The following ANKRD44 variants were observed in gnomAD, a reference collection of about 807,000 sequenced individuals.
ANKRD44 encodes the protein ankyrin repeat domain 44, also known as serine/threonine-protein phosphatase 6 regulatory ankyrin repeat subunit B.
Under a neutral mutation model 116.0 loss-of-function variants are expected in ANKRD44, and 35 were observed. That is an observed-to-expected ratio of 0.30 (90% confidence interval 0.23 to 0.40). The LOEUF (loss-of-function observed/expected upper bound fraction) is 0.40, where lower values mean the gene tolerates loss of function less well. Among genes scored for constraint, ANKRD44 ranks in the 10% least tolerant of loss-of-function variants. The pLI is 1.00. For synonymous variants in ANKRD44, 435 were observed against 461.8 expected, an observed-to-expected ratio of 0.94 and a Z score of 0.74; for missense variants, 1,014 against 1,242.6, an observed-to-expected ratio of 0.82 and a Z score of 2.77.
At position 196,999,046 on chromosome 2, in the gene ANKRD44, G is replaced by T. The variant is rs762527954; in HGVS notation, c.2526C>A (p.Pro842=). ...VSCRDDKGRT[P]LHAAAFADHV... ...GATCAGCAAATGCTGCCGCATGAAGGGGTGTCCTAAAGATTTAAAACAAGT... is the reference window on the plus strand; with the variant it reads ...GATCAGCAAATGCTGCCGCATGAAGTGGTGTCCTAAAGATTTAAAACAAGT... The change falls in exon 24 of 28, where the codon CCC becomes CCA. Residue 842 remains proline, a synonymous_variant. Transcript: ENST00000282272. 1.2e-6 allele frequency: 2 copies of T among 1,613,632 alleles called. No homozygotes were observed. Among genetic ancestry groups the T allele is most frequent in the Admixed American group, 3.3e-5 (2 of 59,940 alleles).
At chr2:197,216,248 T>C (rs1428582152) in intron 1 of ANKRD44, among the ~76,000 whole-genome samples, 3 of 152,238 alleles carry the variant, frequency 2.0e-5, no homozygotes, top group East Asian at 1.9e-4. Context: ...TATGTAAGAA[T>C]GGTGCTTCCA....
chr2:197,261,538 AAGAT>A (rs1416073735), intron 1 of ANKRD44, among the ~76,000 whole-genome samples: 1 of 137,062 alleles, frequency 7.3e-6, no homozygotes, highest in Non-Finnish European at 1.6e-5. Context: ...AGAAGTAAAA[AAGAT>A]AGACAATCTT....
chr2:197,270,602 T>G (rs1021876549), intron 1 of ANKRD44, among the ~76,000 whole-genome samples: 3 of 152,192 alleles, frequency 2.0e-5, no homozygotes, highest in African/African-American at 7.2e-5. Context: ...GAGAGACATC[T>G]GGGTCAAAGG....
In ANKRD44 at chr2:196,989,110, G is replaced by A. The variant is rs1303238323; in HGVS notation, c.*481C>T. The A allele has an allele frequency of 1.0e-6, 1 of 985,160 alleles. No individual in the cohort carries two copies. Among genetic ancestry groups the A allele is most frequent in the African/African-American group, 1.8e-5 (1 of 57,116 alleles). 61.0% of individuals were successfully genotyped at this position (985,160 alleles called of 1,614,324 possible). A position where few individuals can be genotyped will look rare whatever the true frequency, so the allele number is the denominator to read the frequency against. Reference sequence around the variant, plus strand: ...GGTTTGGCCCTTGGGCTTTTGGCTAGCCCAGGGTCAAGTGTTTTTTTTTTC... The same window carrying A: ...GGTTTGGCCCTTGGGCTTTTGGCTAACCCAGGGTCAAGTGTTTTTTTTTTC... On this transcript the variant is annotated 3_prime_UTR_variant, in exon 28 of 28. Coordinates refer to ENST00000282272, the MANE Select transcript of ANKRD44 (RefSeq NM_001195144.2).
intron 2 of ANKRD44, among the ~76,000 whole-genome samples, chr2:197,171,916 T>A (rs1380487374): frequency 6.6e-6 from 1 of 152,026 alleles, no homozygotes; most frequent in African/African-American, 2.4e-5. Flanking sequence ...ATGTTTTAAG[T>A]CATATTTAGT....
downstream of ANKRD44, among the ~76,000 whole-genome samples, chr2:196,985,858 T>C (rs1212022677): frequency 6.6e-6 from 1 of 152,088 alleles, no homozygotes; most frequent in Non-Finnish European, 1.5e-5. Context: ...TTTTGGATGG[T>C]GAGATAGATG....
At chr2:197,054,283 A>G (rs1369085957) in intron 16 of ANKRD44, among the ~76,000 whole-genome samples, 4 of 152,214 alleles carry the variant, frequency 2.6e-5, no homozygotes, top group Non-Finnish European at 1.5e-5. Context: ...ATTTATGATC[A>G]ACAAAGAACT....
At chr2:197,186,937 A>G (rs2080688829) in intron 2 of ANKRD44, 86 bp downstream of exon 2, 1 of 1,060,590 alleles carries the variant, frequency 9.4e-7, no homozygotes. Context: ...ACCAGATATC[A>G]AGAGTCCATG....
chr2:197,153,289 G>A (rs184208760), intron 2 of ANKRD44, among the ~76,000 whole-genome samples: 4 of 150,176 alleles, frequency 2.7e-5, no homozygotes, highest in African/African-American at 9.8e-5. Context: ...GAGGAAGAAG[G>A]AGGAGGAGGA....
intron 10 of ANKRD44, among the ~76,000 whole-genome samples, chr2:197,097,145 T>C (rs1183062040): frequency 1.3e-5 from 2 of 152,210 alleles, no homozygotes; most frequent in Non-Finnish European, 2.9e-5. Flanking sequence ...TACATGGAAA[T>C]AAATTTCCAT....
At chr2:197,214,533 G>C (rs1174334798) in intron 1 of ANKRD44, among the ~76,000 whole-genome samples, 1 of 152,120 alleles carries the variant, frequency 6.6e-6, no homozygotes, top group East Asian at 1.9e-4. Flanking sequence ...AAAAGACCAA[G>C]TCAGTAGTAT....
intron 1 of ANKRD44, among the ~76,000 whole-genome samples, chr2:197,251,890 A>G (rs1443046689): frequency 6.6e-6 from 1 of 152,160 alleles, no homozygotes; most frequent in Non-Finnish European, 1.5e-5. Flanking sequence ...GGTTTCCACT[A>G]CTTATTTTTT....
At chr2:197,022,745 T>A (rs963555612) in intron 17 of ANKRD44, among the ~76,000 whole-genome samples, 1 of 152,186 alleles carries the variant, frequency 6.6e-6, no homozygotes, top group African/African-American at 2.4e-5. Context: ...ATGCCTGCAA[T>A]TACAGCTACT....
rs147335909 is a variant in ANKRD44, at chr2:197,278,204, T to C, written c.27+32374A>G. Among the ~76,000 whole-genome samples, 935 of 152,118 alleles carry C rather than the reference T, an allele frequency of 6.1e-3. 18 individuals are homozygous for C. Among genetic ancestry groups the C allele is most frequent in the African/African-American group, 0.021 (880 of 41,448 alleles). ...TGGCTGGTGCTAAGGGGTTAAGGGG[T>C]GTTTAACTGGCTGTTAAATTGCAAA... On this transcript the variant is annotated intron_variant, in intron 1 of 27. Transcript: ENST00000282272.
At chr2:196,995,539 T>A in intron 25 of ANKRD44, 78 bp from the exon 26 acceptor site, 1 of 1,105,138 alleles carries the variant, frequency 9.0e-7, no homozygotes, top group Non-Finnish European at 1.3e-6. Context: ...CATTATGATT[T>A]AAATTGAAAA....
At chr2:197,244,708 A>G (rs778894645) in intron 1 of ANKRD44, among the ~76,000 whole-genome samples, 2 of 152,204 alleles carry the variant, frequency 1.3e-5, no homozygotes, top group African/African-American at 2.4e-5. Context: ...AACTAATGCC[A>G]GGCTGTGGTT....
chr2:197,135,621 T>TG (rs1221219225), intron 4 of ANKRD44: 1 of 152,286 alleles, frequency 6.6e-6, no homozygotes, highest in Non-Finnish European at 1.5e-5. Flanking sequence ...AATTATTTCT[T>TG]GGATGCCTAG....
chr2:196,989,137 C>A lies in ANKRD44; in HGVS notation c.*454G>T, dbSNP rs374553089. 2.0e-6 allele frequency: 2 copies of A among 978,364 alleles called. No homozygotes were observed. Among genetic ancestry groups the A allele is most frequent in the Non-Finnish European group, 2.4e-6 (2 of 824,808 alleles). The allele number at this position is 978,364 out of a possible 1,614,324, so 60.6% of individuals were successfully genotyped here. ...CCAGGGTCAAGTGTTTTTTTTTTCA[C>A]TTTTTTTTTGTTATTCTAAATAAGA... On this transcript the variant is annotated 3_prime_UTR_variant, in exon 28 of 28. Transcript: ENST00000282272.
At chr2:197,177,523 T>G (rs535353066) in intron 2 of ANKRD44, among the ~76,000 whole-genome samples, 1 of 152,282 alleles carries the variant, frequency 6.6e-6, no homozygotes, top group South Asian at 2.1e-4. Flanking sequence ...TGAACACATT[T>G]TAAAAGTCAA....
Sources: gnomAD v4.1 joint callset for allele counts (sites outside exome capture counted in the v4.1 genomes callset) on GRCh38, gnomAD v4.1.1 for gene constraint, MANE v1.5 for transcripts, NCBI Gene and HGNC (gene_info 2026-07-23, HGNC 2026-07-21) for gene names.